LRRC4C: variants seen among roughly 807,000 people sequenced by gnomAD.
The protein encoded by LRRC4C is leucine-rich repeat-containing protein 4C.
In LRRC4C, 5 loss-of-function variants were observed where a neutral mutation model predicts 33.6. The observed-to-expected ratio is 0.15, with a 90% CI of 0.08 to 0.31. The LOEUF (loss-of-function observed/expected upper bound fraction) is 0.31. Ranked by LOEUF, LRRC4C falls within the 10% of genes least tolerant of loss-of-function variation. LRRC4C has a pLI of 1.00. For missense variants in LRRC4C, 560 were observed against 796.7 expected, an observed-to-expected ratio of 0.70 and a Z score of 3.58; for synonymous variants, 329 against 302.0, an observed-to-expected ratio of 1.09 and a Z score of -0.93.
intron 4 of LRRC4C, among the ~76,000 whole-genome samples, chr11:40,274,414 G>GACACAC (rs758404396): frequency 0.016 from 1,028 of 62,848 alleles, 5 homozygotes; most frequent in Non-Finnish European, 0.024. Flanking sequence ...CTGCGGAATA[G>GACACAC]ACACACACAT....
intron 3 of LRRC4C, among the ~76,000 whole-genome samples, chr11:40,532,326 T>C (rs1956303242): frequency 6.6e-6 from 1 of 151,980 alleles, no homozygotes; most frequent in Non-Finnish European, 1.5e-5. Context: ...ACAGCGGTGA[T>C]TGTGGTACAC....
chr11:41,276,300 T>C (rs1209441246), intron 1 of LRRC4C, among the ~76,000 whole-genome samples: 1 of 152,160 alleles, frequency 6.6e-6, no homozygotes, highest in Non-Finnish European at 1.5e-5. Flanking sequence ...TTCTCCCTGG[T>C]CACCATCCAC....
intron 3 of LRRC4C, among the ~76,000 whole-genome samples, chr11:40,530,881 G>T (rs1956244447): frequency 6.6e-6 from 1 of 152,152 alleles, no homozygotes; most frequent in Admixed American, 6.6e-5. Flanking sequence ...GCTAAGTGGA[G>T]GGAGGGGCTC....
At position 40,393,951 on chromosome 11, in the gene LRRC4C, G is replaced by T. The variant is rs149481781; in HGVS notation, c.-269-74230C>A. ...ATATGACTCTTAAGAGAAAAAAAAT[G>T]GATCAGTTTTTTTTAACTTAATTTA... On this transcript the variant is annotated intron_variant, in intron 3 of 6. Coordinates refer to ENST00000528697, the MANE Select transcript of LRRC4C (RefSeq NM_001258419.2). Among the ~76,000 whole-genome samples the T allele has an allele frequency of 9.2e-4, 140 of 152,108 alleles. No homozygotes were observed. The Middle Eastern group carries it at 0.01, about 11-fold the overall frequency.
chr11:41,223,176 C>A (rs916875400), intron 1 of LRRC4C, among the ~76,000 whole-genome samples: 2 of 151,988 alleles, frequency 1.3e-5, no homozygotes, highest in African/African-American at 2.4e-5. Context: ...AAAAAATAAA[C>A]CTGAGGTCTT....
chr11:41,294,892 A>G (rs1313621861), intron 1 of LRRC4C, among the ~76,000 whole-genome samples: 3 of 152,238 alleles, frequency 2.0e-5, no homozygotes, highest in Non-Finnish European at 4.4e-5. Context: ...AGAAGTTCTG[A>G]GTAGGCTAAA....
intron 1 of LRRC4C, among the ~76,000 whole-genome samples, chr11:41,032,226 T>G (rs2137832492): frequency 6.6e-6 from 1 of 152,196 alleles, no homozygotes; most frequent in South Asian, 2.1e-4. Flanking sequence ...TGGGGTAGCC[T>G]GAGTTAGATT....
Position 40,314,215 on chromosome 11 carries a change from T to C in LRRC4C, c.-176+5413A>G, listed in dbSNP as rs370622499. 1.6e-4 allele frequency among the ~76,000 whole-genome samples: 25 copies of C among 152,016 alleles called. 1 individual carries two copies. In the East Asian group the frequency reaches 1.7e-3, roughly 11 times the overall value. ...AAAAACAAAAACAAAGCAAACAATC[T>C]GATTTTTTAAAAAAATGGCTAAATG... On this transcript the variant is annotated intron_variant, in intron 4 of 6. Coordinates refer to ENST00000528697, the MANE Select transcript of LRRC4C (RefSeq NM_001258419.2).
chr11:40,282,885 C>T (rs541250874), intron 4 of LRRC4C, among the ~76,000 whole-genome samples: 2 of 152,282 alleles, frequency 1.3e-5, no homozygotes, highest in Admixed American at 6.5e-5. Context: ...TTGTCAAAAA[C>T]GATTGCAGCT....
chr11:40,450,297 TTA>T (rs1565400486), intron 3 of LRRC4C, among the ~76,000 whole-genome samples: 1 of 152,190 alleles, frequency 6.6e-6, no homozygotes, highest in Non-Finnish European at 1.5e-5. Flanking sequence ...TATTTTGTGT[TTA>T]TGTGTTAAAT....
chr11:41,019,872 T>C (rs1341787908), intron 1 of LRRC4C, among the ~76,000 whole-genome samples: 1 of 152,122 alleles, frequency 6.6e-6, no homozygotes, highest in African/African-American at 2.4e-5. Context: ...GAGGTTGTCA[T>C]TTTCTTGTAA....
intron 1 of LRRC4C, among the ~76,000 whole-genome samples, chr11:41,014,529 T>G (rs1195457205): frequency 2.6e-5 from 4 of 151,780 alleles, no homozygotes; most frequent in African/African-American, 9.7e-5. Flanking sequence ...TACAGGTTTT[T>G]ATTGGATACC....
chr11:41,019,691 T>C (rs375954591), intron 1 of LRRC4C, among the ~76,000 whole-genome samples: 9 of 152,316 alleles, frequency 5.9e-5, no homozygotes, highest in Non-Finnish European at 1.2e-4. Flanking sequence ...TACTGTTTCC[T>C]GACTTTTTAA....
chr11:40,341,965 T>C (rs1946885535), intron 3 of LRRC4C, among the ~76,000 whole-genome samples: 1 of 151,484 alleles, frequency 6.6e-6, no homozygotes, highest in East Asian at 1.9e-4. Context: ...GTGCTTTGTA[T>C]GTTGATAGAG....
intron 3 of LRRC4C, among the ~76,000 whole-genome samples, chr11:40,526,707 C>T (rs941101492): frequency 5.3e-5 from 8 of 151,970 alleles, no homozygotes; most frequent in African/African-American, 1.9e-4. Flanking sequence ...TATTAGATGG[C>T]ATAGGTATGG....
intron 2 of LRRC4C, among the ~76,000 whole-genome samples, chr11:40,731,196 G>C (rs58236964): frequency 0.031 from 4,665 of 151,916 alleles, 103 homozygotes; most frequent in Middle Eastern, 0.041. Flanking sequence ...GCAAGTGCCT[G>C]TAGTCCCAGC....
At chr11:40,686,148 A>T (rs184588682) in intron 2 of LRRC4C, among the ~76,000 whole-genome samples, 1 of 152,130 alleles carries the variant, frequency 6.6e-6, no homozygotes, top group Non-Finnish European at 1.5e-5. Flanking sequence ...CTGCCTTGGG[A>T]TCCTGGACAT....
intron 1 of LRRC4C, among the ~76,000 whole-genome samples, chr11:41,420,832 C>T (rs1290524583): frequency 6.6e-6 from 1 of 151,934 alleles, no homozygotes; most frequent in Non-Finnish European, 1.5e-5. Flanking sequence ...AGTAACATGA[C>T]CAAAACAGTG....
intron 6 of LRRC4C, among the ~76,000 whole-genome samples, chr11:40,126,298 TATA>T (rs1366428030): frequency 6.6e-6 from 1 of 152,134 alleles, no homozygotes; most frequent in Non-Finnish European, 1.5e-5. Flanking sequence ...CTAATGATAT[TATA>T]ATGTTGTCAC....
Sources: gnomAD v4.1 joint callset for allele counts (sites outside exome capture counted in the v4.1 genomes callset) on GRCh38, gnomAD v4.1.1 for gene constraint, MANE v1.5 for transcripts, NCBI Gene and HGNC (gene_info 2026-07-23, HGNC 2026-07-21) for gene names.